The following KNTC1 variants were observed in gnomAD, a reference collection of about 807,000 sequenced individuals.
KNTC1 encodes the protein kinetochore-associated protein 1.
In KNTC1, 253 loss-of-function variants were observed where a neutral mutation model predicts 314.4. The observed-to-expected ratio is 0.80, with a 90% CI of 0.73 to 0.89. KNTC1 has a LOEUF of 0.89. Ranked by LOEUF, KNTC1 falls within the 40% of genes least tolerant of loss-of-function variation. The pLI, the probability that KNTC1 is intolerant of heterozygous loss-of-function variation, is 0.00. For synonymous variants in KNTC1, 901 were observed against 901.4 expected (o/e 1.00, Z 0.01); for missense variants, 2,475 against 2,572.9 (o/e 0.96, Z 0.82).
chr12:122,547,386 G>A (rs766429588), intron 10 of KNTC1, 29 bp from the exon 11 acceptor site: 2 of 1,401,972 alleles, frequency 1.4e-6, no homozygotes, highest in Non-Finnish European at 2.0e-6. Context: ...AAAAAAAAAG[G>A]ACATGTAAAT....
chr12:122,552,632 G>A (rs951176953), intron 16 of KNTC1, among the ~76,000 whole-genome samples: 1 of 152,148 alleles, frequency 6.6e-6, no homozygotes, highest in African/African-American at 2.4e-5. Flanking sequence ...CCAAAGTTTT[G>A]AGATTACAGT....
intron 3 of KNTC1, among the ~76,000 whole-genome samples, chr12:122,537,448 T>C (rs1386026597): frequency 6.6e-6 from 1 of 151,726 alleles, no homozygotes; most frequent in African/African-American, 2.4e-5. Context: ...AGACGGAGTC[T>C]GGCTCTGTTG....
chr12:122,594,121 A>T (rs561637867), intron 42 of KNTC1, 155 bp from the exon 43 acceptor site: 170 of 589,312 alleles, frequency 2.9e-4, no homozygotes, highest in Non-Finnish European at 4.6e-4. Flanking sequence ...TCTCAGAATG[A>T]TGGCTGGGTT....
At chr12:122,541,544 A>T (rs936272529) in intron 5 of KNTC1, among the ~76,000 whole-genome samples, 4 of 149,940 alleles carry the variant, frequency 2.7e-5, no homozygotes, top group African/African-American at 9.8e-5. Flanking sequence ...ACGGGGTTTC[A>T]CCATGTTGGT....
chr12:122,532,545 A>T (rs1961447473), intron 2 of KNTC1, among the ~76,000 whole-genome samples: 1 of 152,148 alleles, frequency 6.6e-6, no homozygotes, highest in Admixed American at 6.6e-5. Context: ...AAAACGTGGA[A>T]GTGGCTCAGG....
intron 22 of KNTC1, among the ~76,000 whole-genome samples, 190 bp downstream of exon 22, chr12:122,570,014 G>A (rs1310190936): frequency 2.6e-5 from 4 of 152,132 alleles, no homozygotes; most frequent in Admixed American, 1.3e-4. Flanking sequence ...AATATAGATG[G>A]AACTGGAGAT....
At chr12:122,555,700 T>C (rs2137806802) in intron 16 of KNTC1, among the ~76,000 whole-genome samples, 1 of 151,986 alleles carries the variant, frequency 6.6e-6, no homozygotes, top group East Asian at 1.9e-4. Flanking sequence ...ATACAAAAAA[T>C]TATCCTGGTG....
chr12:122,607,166 C>A (rs1360884652), intron 51 of KNTC1, among the ~76,000 whole-genome samples: 2 of 152,104 alleles, frequency 1.3e-5, no homozygotes, highest in Non-Finnish European at 2.9e-5. Flanking sequence ...TGGGTTCAAG[C>A]GAGTCTCATG....
intron 42 of KNTC1, chr12:122,592,802 C>G (rs1243793254): frequency 1.3e-5 from 2 of 152,318 alleles, no homozygotes; most frequent in Non-Finnish European, 2.9e-5. Context: ...AGCAGGCTGC[C>G]CGAGTCAGCA....
intron 48 of KNTC1, 103 bp downstream of exon 48, chr12:122,603,346 G>C (rs973881770): frequency 1.5e-5 from 13 of 867,086 alleles, no homozygotes; most frequent in Admixed American, 5.8e-5. Flanking sequence ...GTATTTGCTT[G>C]CTCTCTTAAC....
chr12:122,583,107 C>A, intron 34 of KNTC1, 122 bp downstream of exon 34: 1 of 839,032 alleles, frequency 1.2e-6, no homozygotes, highest in Non-Finnish European at 1.8e-6. Flanking sequence ...GTCAGGAGAT[C>A]AAGACCATCC....
rs192404293 is a variant in KNTC1, at chr12:122,602,662, T to C, written c.4747T>C (p.Leu1583=). 8.1e-6 allele frequency: 13 copies of C among 1,613,644 alleles called. No homozygotes were observed. The highest frequency in any genetic ancestry group is 1.1e-5 in the Non-Finnish European group (13 of 1,179,526). Residue 1583 remains leucine (L), a synonymous_variant, in exon 46 of 64, where the codon TTG becomes CTG. Coordinates refer to ENST00000333479, the MANE Select transcript of KNTC1 (RefSeq NM_014708.6). The part of the protein sequence containing the change: ...YQYMLEHVIT[L]PSAAQTRLPF... ...GTATATGTTGGAACATGTCATAACT[T>C]TGCCATCAGCTGCCCAAACTAGACT... is the stretch of plus-strand genomic sequence containing the variant.
chr12:122,571,088 G>A lies in KNTC1; in HGVS notation c.1981G>A (p.Glu661Lys), dbSNP rs765751440. Residue 661 changes from glutamate to lysine, a missense_variant, in exon 24 of 64, where the codon GAG (glutamate) becomes AAG (lysine). Physicochemically the swap from Glu to Lys is moderately conservative, Grantham distance 56. Transcript: ENST00000333479. ...EIFFTAEKTDELGLASSWHWI... is the reference protein window; with the variant it reads ...EIFFTAEKTDKLGLASSWHWI... ...ATTTTTTACAGCAGAAAAAACAGAC[G>A]AGTTGGGATTGGCATCTTCCTGGCA... is the stretch of plus-strand genomic sequence containing the variant. 7 of 1,613,660 alleles carry A rather than the reference G, an allele frequency of 4.3e-6. No homozygotes were observed. The highest frequency in any genetic ancestry group is 5.9e-6 in the Non-Finnish European group (7 of 1,179,686).
chr12:122,546,773 T>C, intron 10 of KNTC1, 99 bp downstream of exon 10: 1 of 711,892 alleles, frequency 1.4e-6, no homozygotes, highest in East Asian at 2.8e-5. Flanking sequence ...GGTGGATAAC[T>C]ATCTTGTGTA....
intron 29 of KNTC1, among the ~76,000 whole-genome samples, 187 bp from the exon 30 acceptor site, chr12:122,576,705 TAAG>T (rs949927910): frequency 1.3e-5 from 2 of 151,932 alleles, no homozygotes; most frequent in East Asian, 3.9e-4. Context: ...AATAGTAAAT[TAAG>T]AAGCTGTAGA....
At position 122,580,677 on chromosome 12, in the gene KNTC1, A is replaced by G. The variant is rs1965355771; in HGVS notation, c.2982+7A>G. ...AGAGGTTGCTAGCTTACAGGTAAAC[A>G]TATTGAGCCATGTTAAACATTATTA... On this transcript the variant is annotated splice_region_variant and intron_variant, in intron 33 of 63. Coordinates refer to ENST00000333479, the MANE Select transcript of KNTC1 (RefSeq NM_014708.6). 1.3e-6 allele frequency: 2 copies of G among 1,526,368 alleles called. No homozygotes were observed. The highest frequency in any genetic ancestry group is 1.8e-6 in the Non-Finnish European group (2 of 1,122,130). 94.6% of individuals were successfully genotyped at this position (1,526,368 alleles called of 1,614,324 possible).
chr12:122,541,287 G>GCCTGCCTTCCTTCCTT (rs758235054), intron 5 of KNTC1, among the ~76,000 whole-genome samples: 2,996 of 120,886 alleles, frequency 0.025, 86 homozygotes, highest in East Asian at 0.11. Flanking sequence ...CTGCCTGCCT[G>GCCTGCCTTCCTTCCTT]CCTTCCTTCC....
intron 20 of KNTC1, among the ~76,000 whole-genome samples, chr12:122,565,339 C>A (rs1414511131): frequency 6.7e-6 from 1 of 149,214 alleles, no homozygotes; most frequent in East Asian, 2.0e-4. Flanking sequence ...AGGCTAGTCT[C>A]AAATTCCTGG....
intron 52 of KNTC1, among the ~76,000 whole-genome samples, chr12:122,610,342 C>T (rs538463825): frequency 1.3e-5 from 2 of 152,320 alleles, no homozygotes; most frequent in South Asian, 2.1e-4. Flanking sequence ...AAATTCATAA[C>T]GTGCTGCTTT....
Sources: gnomAD v4.1 joint callset for allele counts (sites outside exome capture counted in the v4.1 genomes callset) on GRCh38, gnomAD v4.1.1 for gene constraint, MANE v1.5 for transcripts, NCBI Gene and HGNC (gene_info 2026-07-23, HGNC 2026-07-21) for gene names.